FOCAD: variants seen among roughly 807,000 people sequenced by gnomAD.
The protein encoded by FOCAD is KIAA1797.
A neutral mutation model predicts 225.6 loss-of-function variants in FOCAD; 198 were observed. The ratio of observed to expected loss-of-function variants is 0.88; its 90% CI spans 0.78 to 0.99. FOCAD has a LOEUF of 0.99. FOCAD is among the 50% of genes least tolerant of loss of function. The pLI is 0.00. For synonymous variants in FOCAD, 897 were observed against 755.0 expected, an observed-to-expected ratio of 1.19 and a Z score of -3.08; for missense variants, 2,713 against 2,123.6, an observed-to-expected ratio of 1.28 and a Z score of -5.46.
intron 21 of FOCAD, among the ~76,000 whole-genome samples, chr9:20,897,402 ATT>A (rs1832182767): frequency 6.7e-6 from 1 of 149,296 alleles, no homozygotes; most frequent in African/African-American, 2.5e-5. Context: ...TATCTTCTAT[ATT>A]TGTTACTGTT....
chr9:20,709,744 GT>G (rs1161704936), intron 1 of FOCAD, among the ~76,000 whole-genome samples: 1 of 152,170 alleles, frequency 6.6e-6, no homozygotes, highest in Non-Finnish European at 1.5e-5. Flanking sequence ...TTGGGTAGTG[GT>G]TTTGAGAATG....
At chr9:20,842,456 T>A (rs1189632307) in intron 15 of FOCAD, among the ~76,000 whole-genome samples, 1 of 151,994 alleles carries the variant, frequency 6.6e-6, no homozygotes, top group Non-Finnish European at 1.5e-5. Context: ...AGTTTTTTTA[T>A]CCTCATGCTG....
At chr9:20,797,311 G>A (rs1479090332) in intron 11 of FOCAD, among the ~76,000 whole-genome samples, 2 of 152,094 alleles carry the variant, frequency 1.3e-5, no homozygotes, top group Non-Finnish European at 2.9e-5. Context: ...CTCCTTTTTG[G>A]TTCCGTATGA....
intron 9 of FOCAD, 40 bp downstream of exon 9, chr9:20,778,808 A>G (rs902619433): frequency 8.6e-7 from 1 of 1,159,126 alleles, no homozygotes; most frequent in Non-Finnish European, 1.3e-6. Flanking sequence ...ATGTAAATAT[A>G]ACATGAGTAT....
At chr9:20,892,381 G>T (rs1831689088) in intron 21 of FOCAD, among the ~76,000 whole-genome samples, 1 of 152,100 alleles carries the variant, frequency 6.6e-6, no homozygotes. Flanking sequence ...TTCTGGAAAG[G>T]ATTTACCATG....
intron 8 of FOCAD, among the ~76,000 whole-genome samples, chr9:20,777,668 A>G (rs1232188715): frequency 6.6e-6 from 1 of 152,202 alleles, no homozygotes; most frequent in Admixed American, 6.5e-5. Flanking sequence ...ATGATTTACT[A>G]AAATTTGTTT....
At chr9:20,749,880 T>C (rs1179917100) in intron 5 of FOCAD, among the ~76,000 whole-genome samples, 3 of 152,172 alleles carry the variant, frequency 2.0e-5, no homozygotes, top group Non-Finnish European at 4.4e-5. Flanking sequence ...CTATTAGGAT[T>C]GATGTGTTTA....
chr9:20,750,439 G>A lies in FOCAD; in HGVS notation c.393-7651G>A, dbSNP rs536271791. On this transcript the variant is annotated intron_variant, in intron 5 of 43. Transcript: ENST00000338382. ...TATATTAAATGCTTTACTTAAAATA[G>A]CAATTAAAATATTTGCAAATCACGA... Among the ~76,000 whole-genome samples, 7 of 152,132 alleles carry A rather than the reference G, an allele frequency of 4.6e-5. 1 individual carries two copies. Among genetic ancestry groups the A allele is most frequent in the African/African-American group, 1.7e-4 (7 of 41,510 alleles).
intron 35 of FOCAD, among the ~76,000 whole-genome samples, chr9:20,969,251 A>G (rs1040046127): frequency 2.0e-5 from 3 of 152,164 alleles, no homozygotes; most frequent in Non-Finnish European, 1.5e-5. Flanking sequence ...GATGGTGTTG[A>G]GTGGAACTGT....
intron 2 of FOCAD, among the ~76,000 whole-genome samples, chr9:20,669,070 C>T (rs1234602147): frequency 1.3e-5 from 2 of 152,120 alleles, no homozygotes; most frequent in African/African-American, 4.8e-5. Flanking sequence ...TATTTCCCTG[C>T]TCTTGGATAT....
intron 8 of FOCAD, 61 bp from the exon 9 acceptor site, chr9:20,778,620 T>C: frequency 1.2e-6 from 1 of 865,280 alleles, no homozygotes; most frequent in South Asian, 1.4e-5. Context: ...GGATACATGT[T>C]ACAAAGCCAT....
At chr9:20,699,781 T>TATATATATATATAC (rs1823767336) in intron 1 of FOCAD, among the ~76,000 whole-genome samples, 1 of 71,480 alleles carries the variant, frequency 1.4e-5, no homozygotes, top group Admixed American at 1.5e-4. Context: ...AAAATATATA[T>TATATATATATATAC]ATATATATAT....
chr9:20,769,919 A>C, intron 7 of FOCAD, 113 bp from the exon 8 acceptor site: 1 of 886,376 alleles, frequency 1.1e-6, no homozygotes, highest in Non-Finnish European at 1.7e-6. Context: ...CATCTCCTTT[A>C]AGTCTTTATA....
At chr9:20,973,506 G>A (rs1839951723) in intron 35 of FOCAD, among the ~76,000 whole-genome samples, 1 of 143,936 alleles carries the variant, frequency 6.9e-6, no homozygotes, top group South Asian at 2.2e-4. Flanking sequence ...TGCTGACTCT[G>A]CCCTACTTCC....
intron 11 of FOCAD, among the ~76,000 whole-genome samples, chr9:20,799,496 G>A (rs1204764546): frequency 1.3e-5 from 2 of 152,112 alleles, no homozygotes; most frequent in African/African-American, 4.8e-5. Flanking sequence ...CTCTTTCTAG[G>A]TCTCTAAGGT....
intron 16 of FOCAD, 51 bp from the exon 17 acceptor site, chr9:20,865,875 C>T (rs774562220): frequency 2.0e-5 from 26 of 1,330,140 alleles, no homozygotes; most frequent in Non-Finnish European, 2.1e-6. Flanking sequence ...TATTTAGTCT[C>T]AGTTTTAGCT....
intron 2 of FOCAD, among the ~76,000 whole-genome samples, chr9:20,677,292 C>G (rs138496597): frequency 6.6e-6 from 1 of 152,132 alleles, no homozygotes; most frequent in Non-Finnish European, 1.5e-5. Flanking sequence ...AGGAAGAAAG[C>G]TTCTTGACCT....
intron 6 of FOCAD, among the ~76,000 whole-genome samples, chr9:20,760,753 A>T (rs1829517855): frequency 6.6e-6 from 1 of 152,086 alleles, no homozygotes. Flanking sequence ...GAGGGCAGGG[A>T]CTGTGTTTCA....
intron 15 of FOCAD, among the ~76,000 whole-genome samples, chr9:20,839,259 CTTTT>C (rs71496859): frequency 1.5e-5 from 2 of 132,782 alleles, no homozygotes; most frequent in African/African-American, 5.6e-5. Flanking sequence ...TTCTTTCTTT[CTTTT>C]TTTTTTTTTT....
Sources: gnomAD v4.1 joint callset for allele counts (sites outside exome capture counted in the v4.1 genomes callset) on GRCh38, gnomAD v4.1.1 for gene constraint, MANE v1.5 for transcripts, NCBI Gene and HGNC (gene_info 2026-07-23, HGNC 2026-07-21) for gene names.